Variants in MLLT6 observed in about 807,000 individuals in gnomAD.
MLLT6 encodes the protein MLLT6, PHD finger containing, also known as protein AF-17.
MLLT6 carries 22 observed loss-of-function variants against 103.0 expected under a neutral mutation model. The observed-to-expected ratio is 0.21, with a 90% CI of 0.15 to 0.31. The LOEUF (loss-of-function observed/expected upper bound fraction) is 0.31, where lower values mean the gene tolerates loss of function less well. Among genes scored for constraint, MLLT6 ranks in the 10% least tolerant of loss-of-function variants. The pLI, the probability that MLLT6 is intolerant of heterozygous loss-of-function variation, is 1.00. For synonymous variants in MLLT6, 606 were observed against 623.5 expected, an observed-to-expected ratio of 0.97 and a Z score of 0.42; for missense variants, 1,199 against 1,441.7, an observed-to-expected ratio of 0.83 and a Z score of 2.73.
chr17:38,707,694 CGTGGGGTCATAAGGG>C, intron 3 of MLLT6, 54 bp from the exon 4 acceptor site: 1 of 1,221,332 alleles, frequency 8.2e-7, no homozygotes, highest in Non-Finnish European at 1.2e-6. Flanking sequence ...CAGTCTGCAG[CGTGGGGTCATAAGGG>C]GTGGAGTCTC....
In MLLT6 at chr17:38,712,734, G is replaced by A. The variant is rs750252290; in HGVS notation, c.764G>A (p.Arg255Gln). 1.5e-5 allele frequency: 24 copies of A among 1,613,778 alleles called. No homozygotes were observed. The highest frequency in any genetic ancestry group is 5.5e-5 in the South Asian group (5 of 91,078). Residue 255 changes from arginine (R) to glutamine (Q), a missense_variant, in exon 8 of 20, where the codon CGG becomes CAG. Transcript: ENST00000621332. ...CGCCTTAAGCAGAAGCACAAGAAGC[G>A]GCCTGAGTCGCCCCCCAGCATCCTC... Reference protein sequence around the residue: ...KERLKQKHKKRPESPPSILTP... With the variant: ...KERLKQKHKKQPESPPSILTP...
chr17:38,707,324 C>T (rs1904973526), intron 2 of MLLT6, among the ~76,000 whole-genome samples, 162 bp from the exon 3 acceptor site: 1 of 152,190 alleles, frequency 6.6e-6, no homozygotes, highest in Non-Finnish European at 1.5e-5. Context: ...ATGTCCCCTT[C>T]CTCATTTTCA....
intron 11 of MLLT6, 73 bp from the exon 12 acceptor site, chr17:38,717,772 C>G: frequency 1.4e-6 from 2 of 1,431,208 alleles, no homozygotes; most frequent in Non-Finnish European, 2.0e-6. Flanking sequence ...ACCCGGCCCC[C>G]TGCACCCCGG....
Position 38,707,797 on chromosome 17 carries a change from C to T in MLLT6, c.279C>T (p.Pro93=), listed in dbSNP as rs377327605. 14 of 1,613,572 alleles carry T rather than the reference C, an allele frequency of 8.7e-6. 1 individual carries two copies. Among genetic ancestry groups the T allele is most frequent in the African/African-American group, 6.7e-5 (5 of 74,932 alleles). The part of the protein sequence containing the change: ...WAHVVCALYI[P]EVQFANVLTM... ...ACGTGGTGTGTGCCCTCTACATCCC[C>T]GAGGTGCAATTTGCCAACGTGCTCA... The change falls in exon 4 of 20, where the codon CCC becomes CCT. Residue 93 remains proline (P), a synonymous_variant. Coordinates refer to ENST00000621332, the MANE Select transcript of MLLT6 (RefSeq NM_005937.4).
chr17:38,705,541 G>A lies in MLLT6; in HGVS notation c.-92G>A. The A allele has an allele frequency of 1.9e-6, 1 of 531,752 alleles. No homozygotes were observed. The highest frequency in any genetic ancestry group is 3.3e-6 in the Non-Finnish European group (1 of 307,362). The allele number at this position is 531,752 out of a possible 1,614,324, so 32.9% of individuals were successfully genotyped here. A position where few individuals can be genotyped will look rare whatever the true frequency, so the allele number is the denominator to read the frequency against. Reference sequence around the variant, plus strand: ...GAGGGAGAGGAGGAGGGGGCGAGGAGGCGCGCGGCCCCCCGCTCCCTCCCT... The same window carrying A: ...GAGGGAGAGGAGGAGGGGGCGAGGAAGCGCGCGGCCCCCCGCTCCCTCCCT... On this transcript the variant is annotated 5_prime_UTR_variant, in exon 1 of 20. Transcript: ENST00000621332.
chr17:38,716,492 C>G lies in MLLT6; in HGVS notation c.1162C>G (p.Pro388Ala). Residue 388 changes from proline to alanine, a missense_variant, in exon 10 of 20, where the codon CCC becomes GCC. Around this residue, in one of 7 missense-constraint regions of MLLT6, gnomAD observed 1,034 missense variants for 1,091.5 expected, o/e 0.95. Transcript: ENST00000621332. The surrounding 1 kb of genome is among the most constrained non-coding windows in gnomAD (Gnocchi z 5.6). The part of the protein sequence containing the change: ...SAPPSPSAPE[P>A]PKADLFEQKV... Reference sequence around the variant, plus strand: ...CCCTCCTTCTCCCTCAGCTCCCGAGCCCCCCAAGGCTGACCTTTTTGAGCA... The same window carrying G: ...CCCTCCTTCTCCCTCAGCTCCCGAGGCCCCCAAGGCTGACCTTTTTGAGCA... 1.2e-6 allele frequency: 2 copies of G among 1,614,148 alleles called. No homozygotes were observed. Among genetic ancestry groups the G allele is most frequent in the Admixed American group, 3.3e-5 (2 of 60,024 alleles).
rs994721537 is a variant in MLLT6 at position 38,705,447 on chromosome 17, C to CGAG, written c.-168_-166dup. 7.0e-5 allele frequency: 29 copies of CGAG among 412,914 alleles called. No homozygotes were observed. The highest frequency in any genetic ancestry group is 3.4e-4 in the South Asian group (11 of 31,936). 25.6% of individuals were successfully genotyped at this position (412,914 alleles called of 1,614,324 possible). On this transcript the variant is annotated 5_prime_UTR_variant, in exon 1 of 20. Transcript: ENST00000621332. Reference sequence around the variant, plus strand: ...GGGGGGGGCGGCCAGACAGAGCGAGCGAGGAGGAGGAGGAGGAGGACGCGG... The same window carrying CGAG: ...GGGGGGGGCGGCCAGACAGAGCGAGCGAGGAGGAGGAGGAGGAGGAGGACGCGG...
chr17:38,714,319 C>T (rs543247997), intron 8 of MLLT6: 3 of 152,354 alleles, frequency 2.0e-5, no homozygotes, highest in Non-Finnish European at 2.9e-5. Flanking sequence ...TGCCACTGGA[C>T]GTCTCATCAT....
chr17:38,705,609 G>A lies in MLLT6; in HGVS notation c.-24G>A. On this transcript the variant is annotated 5_prime_UTR_variant, in exon 1 of 20. Coordinates refer to ENST00000621332, the MANE Select transcript of MLLT6 (RefSeq NM_005937.4). ...CCCCGCCGGCCGGCCCCCCGCCCCA[G>A]CCCCGGAGGGAGCTCATGGGAGTAT... 1 of 834,182 alleles carries A rather than the reference G, an allele frequency of 1.2e-6. No individual in the cohort carries two copies. Among genetic ancestry groups the A allele is most frequent in the Non-Finnish European group, 1.7e-6 (1 of 579,534 alleles). The allele number at this position is 834,182 out of a possible 1,614,324, so 51.7% of individuals were successfully genotyped here. A position where few individuals can be genotyped will look rare whatever the true frequency, so the allele number is the denominator to read the frequency against.
At position 38,711,870 on chromosome 17, in the gene MLLT6, G is replaced by GGGAGGCGGAGGAGGCGCTGGA; in HGVS notation, c.582_602dup (p.Gly197_Gly203dup). The GGGAGGCGGAGGAGGCGCTGGA allele has an allele frequency of 6.3e-7, 1 of 1,587,934 alleles. No homozygotes were observed. The highest frequency in any genetic ancestry group is 1.3e-5 in the African/African-American group (1 of 74,208). On this transcript the variant is annotated inframe_insertion, in exon 7 of 20. Coordinates refer to ENST00000621332, the MANE Select transcript of MLLT6 (RefSeq NM_005937.4). ...AGAAGACATCCCGGCACAGCAGCGG[G>GGGAGGCGGAGGAGGCGCTGGA]GGAGGCGGAGGAGGCGCTGGAGGAG...
rs538157869 is a variant in MLLT6 at position 38,727,316 on chromosome 17, G to A, written c.*1718G>A. 33 of 228,136 alleles carry A rather than the reference G, an allele frequency of 1.4e-4. No homozygotes were observed. Among genetic ancestry groups the A allele is most frequent in the African/African-American group, 7.4e-4 (33 of 44,538 alleles). The allele number at this position is 228,136 out of a possible 1,614,324, so 14.1% of individuals were successfully genotyped here. Reference sequence around the variant, plus strand: ...GTTAGGGAGCTGATAATGGAGGGGGGTGGGAATCCTTCAAAGGCAATTTCT... The same window carrying A: ...GTTAGGGAGCTGATAATGGAGGGGGATGGGAATCCTTCAAAGGCAATTTCT... On this transcript the variant is annotated 3_prime_UTR_variant, in exon 20 of 20. Coordinates refer to ENST00000621332, the MANE Select transcript of MLLT6 (RefSeq NM_005937.4).
intron 12 of MLLT6, chr17:38,719,074 T>A (rs1006118580): frequency 1.3e-5 from 3 of 223,482 alleles, no homozygotes; most frequent in Non-Finnish European, 2.7e-5. Context: ...GCTTGCTACA[T>A]GCTAGCTAAA....
rs751024727 is a variant in MLLT6 at position 38,709,190 on chromosome 17, G to A, written c.372G>A (p.Glu124=). ...TCCTGCAGACCTGTTACATCTGCGAGGAGCAGGGCCGGGAGAGCAAGGCGG... is the reference window on the plus strand; with the variant it reads ...TCCTGCAGACCTGTTACATCTGCGAAGAGCAGGGCCGGGAGAGCAAGGCGG... ...DRFNKTCYIC[E]EQGRESKAAS... is the part of the protein sequence containing the mutation. Residue 124 remains glutamate (E), a synonymous_variant, in exon 5 of 20, where the codon GAG becomes GAA. Coordinates refer to ENST00000621332, the MANE Select transcript of MLLT6 (RefSeq NM_005937.4). This position sits in a 1 kb window ranked among gnomAD's most constrained non-coding sequence, Gnocchi z 4.3. The A allele has an allele frequency of 3.8e-5, 62 of 1,611,078 alleles. 2 individuals carry two copies. The Admixed American group carries it at 1.0e-3, about 26-fold the overall frequency.
Position 38,724,743 on chromosome 17 carries a change from C to A in MLLT6, c.3007C>A (p.Pro1003Thr). 2 of 1,610,726 alleles carry A rather than the reference C, an allele frequency of 1.2e-6. No homozygotes were observed. Among genetic ancestry groups the A allele is most frequent in the African/African-American group, 1.3e-5 (1 of 75,022 alleles). ...CAGCCTGCTGGCAGGAAGCTCCACC[C>A]CGCTGCTGTCTGCGGGTACCCCTGG... ...MASLLAGSST[P>T]LLSAGTPGLL... Residue 1003 changes from proline (P) to threonine (T), a missense_variant, in exon 19 of 20, where the codon CCG becomes ACG. By Grantham distance (38) the Pro-to-Thr change is conservative (BLOSUM62 -1). Coordinates refer to ENST00000621332, the MANE Select transcript of MLLT6 (RefSeq NM_005937.4). The surrounding 1 kb of genome is among the most constrained non-coding windows in gnomAD (Gnocchi z 5.4).
Position 38,709,583 on chromosome 17 carries a change from C to G in MLLT6, c.552+8C>G. ...TACCACTTCAGCAAGATGGTGAGTCCTGGCGACCAGCGCATGAGCGGGTCA... is the reference window on the plus strand; with the variant it reads ...TACCACTTCAGCAAGATGGTGAGTCGTGGCGACCAGCGCATGAGCGGGTCA... On this transcript the variant is annotated splice_region_variant and intron_variant, in intron 6 of 19. Transcript: ENST00000621332. This position sits in a 1 kb window ranked among gnomAD's most constrained non-coding sequence, Gnocchi z 4.3. 1 of 1,609,726 alleles carries G rather than the reference C, an allele frequency of 6.2e-7. No individual in the cohort carries two copies. Among genetic ancestry groups the G allele is most frequent in the African/African-American group, 1.3e-5 (1 of 74,982 alleles).
intron 9 of MLLT6, 167 bp downstream of exon 9, chr17:38,715,995 C>T: frequency 1.5e-6 from 1 of 671,746 alleles, no homozygotes; most frequent in Non-Finnish European, 2.5e-6. Flanking sequence ...CAAACCCTTC[C>T]TTCTTGAACC....
At chr17:38,717,670 G>C (rs900139910) in intron 11 of MLLT6, 57 bp downstream of exon 11, 1 of 1,563,562 alleles carries the variant, frequency 6.4e-7, no homozygotes, top group Non-Finnish European at 8.8e-7. Context: ...CAGACTGACA[G>C]AGGACCCCAG....
In MLLT6 at chr17:38,712,259, G is replaced by A. The variant is rs373028171; in HGVS notation, c.720+245G>A. The stretch of plus-strand genomic sequence containing the variant: ...CCCCATGACATCACAGTGTCCCCCA[G>A]GCCCCAGACACATGGCTCTGCACGT... On this transcript the variant is annotated intron_variant, in intron 7 of 19. Transcript: ENST00000621332. 2.0e-3 allele frequency among the ~76,000 whole-genome samples: 308 copies of A among 152,264 alleles called. 1 individual carries two copies. Among genetic ancestry groups the A allele is most frequent in the African/African-American group, 7.1e-3 (294 of 41,528 alleles).
At chr17:38,718,036 G>T (rs1003868625) in intron 12 of MLLT6, 83 bp downstream of exon 12, 5 of 988,002 alleles carry the variant, frequency 5.1e-6, no homozygotes, top group Non-Finnish European at 6.2e-6. Context: ...GAAAGAATGG[G>T]AGAGCTTTCT....
Sources: allele counts gnomAD v4.1 joint callset (sites outside exome capture counted in the v4.1 genomes callset), GRCh38; gene constraint gnomAD v4.1.1; regional missense constraint gnomAD v4.1.1; non-coding constraint Gnocchi (gnomAD v3.1); transcripts MANE v1.5; gene names NCBI Gene and HGNC (gene_info 2026-07-23, HGNC 2026-07-21).